The following TTC39C variants were observed in gnomAD, a reference collection of about 807,000 sequenced individuals.
TTC39C encodes tetratricopeptide repeat domain 39C.
Under a neutral mutation model 76.3 loss-of-function variants are expected in TTC39C, and 33 were observed. The observed-to-expected ratio is 0.43, with a 90% CI of 0.33 to 0.58. TTC39C has a LOEUF of 0.58. Ranked by LOEUF, TTC39C falls within the 20% of genes least tolerant of loss-of-function variation. The probability of loss-of-function intolerance (pLI) is 0.04; values close to 1 mark genes in which losing one functional copy is unlikely to be tolerated. For synonymous variants in TTC39C, 254 were observed against 260.6 expected (o/e 0.97, Z 0.24); for missense variants, 595 against 701.4 (o/e 0.85, Z 1.71).
At chr18:24,129,249 C>T (rs1293523405) in intron 11 of TTC39C, among the ~76,000 whole-genome samples, 1 of 152,124 alleles carries the variant, frequency 6.6e-6, no homozygotes, top group Non-Finnish European at 1.5e-5. Context: ...TGACAGCCTC[C>T]ACTGGAGAGA....
chr18:24,104,609 C>A (rs1287359977), intron 6 of TTC39C, among the ~76,000 whole-genome samples: 1 of 151,972 alleles, frequency 6.6e-6, no homozygotes, highest in African/African-American at 2.4e-5. Context: ...TTAAGCTCCA[C>A]GAGGACAGAG....
intron 8 of TTC39C, among the ~76,000 whole-genome samples, chr18:24,122,889 C>T (rs2084989550): frequency 6.6e-6 from 1 of 152,240 alleles, no homozygotes; most frequent in South Asian, 2.1e-4. Context: ...CTTCTGAAAA[C>T]CACTTTGGTT....
At chr18:24,062,027 C>T (rs368442898) in intron 1 of TTC39C, among the ~76,000 whole-genome samples, 3 of 152,164 alleles carry the variant, frequency 2.0e-5, no homozygotes, top group Non-Finnish European at 4.4e-5. Flanking sequence ...CCGATGCACC[C>T]GGGTGCTGTG....
At chr18:24,065,208 A>C (rs1289307627) in intron 2 of TTC39C, among the ~76,000 whole-genome samples, 1 of 152,210 alleles carries the variant, frequency 6.6e-6, no homozygotes. Context: ...AGAATGGAAA[A>C]GTAGGTTAGA....
At chr18:24,097,685 C>T (rs183388010) in intron 6 of TTC39C, among the ~76,000 whole-genome samples, 33 of 152,292 alleles carry the variant, frequency 2.2e-4, no homozygotes, top group African/African-American at 7.9e-4. Context: ...CGTCTTGGCC[C>T]TTCGTAAACT....
intron 6 of TTC39C, among the ~76,000 whole-genome samples, chr18:24,107,889 G>GGA (rs369767891): frequency 6.0e-5 from 1 of 16,700 alleles, no homozygotes; most frequent in Non-Finnish European, 2.6e-4. Context: ...CTCCCAAGTA[G>GGA]GGGGGGGGGT....
At chr18:24,040,008 G>A (rs1254340336) in intron 1 of TTC39C, among the ~76,000 whole-genome samples, 1 of 152,164 alleles carries the variant, frequency 6.6e-6, no homozygotes, top group African/African-American at 2.4e-5. Context: ...ACTGGGAAAT[G>A]TTACACCAAT....
intron 1 of TTC39C, among the ~76,000 whole-genome samples, chr18:24,007,289 C>G (rs2083361381): frequency 6.6e-6 from 1 of 152,236 alleles, no homozygotes. Flanking sequence ...CAAATATTAT[C>G]TATTTCTTTG....
intron 3 of TTC39C, among the ~76,000 whole-genome samples, chr18:24,066,709 A>G (rs1163855838): frequency 6.6e-6 from 1 of 152,206 alleles, no homozygotes; most frequent in Non-Finnish European, 1.5e-5. Flanking sequence ...TATAGTCATC[A>G]GAAGCCACCT....
At chr18:24,011,110 T>C (rs1026806663), upstream of TTC39C, among the ~76,000 whole-genome samples, 8 of 152,302 alleles carry the variant, frequency 5.3e-5, no homozygotes, top group African/African-American at 1.7e-4. Flanking sequence ...GGGTAGGGTA[T>C]GTTTGTTGAT....
intron 5 of TTC39C, among the ~76,000 whole-genome samples, chr18:24,082,462 C>G (rs577315422): frequency 6.6e-6 from 1 of 152,050 alleles, no homozygotes; most frequent in Non-Finnish European, 1.5e-5. Context: ...GGTTTATACC[C>G]TAAGTTTTGT....
At position 24,044,261 on chromosome 18, in the gene TTC39C, C is replaced by T. The variant is rs576029316; in HGVS notation, c.168-19879C>T. 9.9e-5 allele frequency among the ~76,000 whole-genome samples: 15 copies of T among 152,126 alleles called. No homozygotes were observed. The South Asian group carries it at 1.0e-3, about 11-fold the overall frequency. ...GAGAGGGGTGGATGTGCAGAGGCTG[C>T]GAGGCAAAGATCAGTGATGTGGGGT... is the stretch of plus-strand genomic sequence containing the variant. On this transcript the variant is annotated intron_variant, in intron 1 of 13. Transcript: ENST00000317571.
intron 1 of TTC39C, among the ~76,000 whole-genome samples, chr18:24,003,475 C>T (rs2083328864): frequency 6.6e-6 from 1 of 152,194 alleles, no homozygotes; most frequent in Admixed American, 6.5e-5. Flanking sequence ...GTGGCTGGCA[C>T]ATAGTAGGTC....
rs2083343620 is a variant in TTC39C at position 24,005,341 on chromosome 18, G to A, written c.-17+12303G>A. On this transcript the variant is annotated intron_variant, in intron 1 of 13. Transcript: ENST00000304621. ...CAGCACGTAGTGATGCTAGCCAGCA[G>A]TCATTCTAGATTTTTGGACACTCTT... 2.6e-5 allele frequency among the ~76,000 whole-genome samples: 4 copies of A among 152,158 alleles called. No individual in the cohort carries two copies. In the South Asian group the frequency reaches 8.3e-4, roughly 32 times the overall value.
At chr18:24,020,768 C>T (rs545785296) in intron 1 of TTC39C, among the ~76,000 whole-genome samples, 21 of 152,034 alleles carry the variant, frequency 1.4e-4, no homozygotes, top group Admixed American at 6.6e-5. Context: ...GTTTGATCTG[C>T]GGCTGGTTGT....
At chr18:24,125,700 T>A in intron 10 of TTC39C, 150 bp downstream of exon 10, 1 of 1,018,670 alleles carries the variant, frequency 9.8e-7, no homozygotes, top group Non-Finnish European at 1.4e-6. Context: ...GGTGTCGTGA[T>A]GAAGAAAATC....
At chr18:24,004,363 G>T (rs535514873) in intron 1 of TTC39C, among the ~76,000 whole-genome samples, 6 of 152,182 alleles carry the variant, frequency 3.9e-5, no homozygotes, top group Non-Finnish European at 8.8e-5. Flanking sequence ...TGTCTCAGAG[G>T]AGGTGGTAGG....
intron 9 of TTC39C, 44 bp downstream of exon 9, chr18:24,123,987 A>G (rs759754548): frequency 3.2e-5 from 45 of 1,426,966 alleles, no homozygotes; most frequent in Admixed American, 4.1e-5. Context: ...TATGATGGGC[A>G]TTTGTAACCA....
chr18:24,058,586 C>T (rs1206885335), intron 1 of TTC39C, among the ~76,000 whole-genome samples: 3 of 151,858 alleles, frequency 2.0e-5, no homozygotes, highest in East Asian at 1.9e-4. Flanking sequence ...ACCCAGGAGG[C>T]GGAGGCTGCA....
Sources: gnomAD v4.1 joint callset for allele counts (sites outside exome capture counted in the v4.1 genomes callset) on GRCh38, gnomAD v4.1.1 for gene constraint, MANE v1.5 for transcripts, NCBI Gene and HGNC (gene_info 2026-07-23, HGNC 2026-07-21) for gene names.